The following KCTD1 variants were observed in gnomAD, a reference collection of about 807,000 sequenced individuals.
The protein encoded by KCTD1 is BTB/POZ domain-containing protein KCTD1.
KCTD1 carries 24 observed loss-of-function variants against 66.0 expected under a neutral mutation model. The observed-to-expected ratio is 0.36, with a 90% CI of 0.26 to 0.51. KCTD1 has a LOEUF of 0.51. Ranked by LOEUF, KCTD1 falls within the 20% of genes least tolerant of loss-of-function variation. The probability of loss-of-function intolerance (pLI) is 0.95; values close to 1 mark genes in which losing one functional copy is unlikely to be tolerated. For missense variants in KCTD1, 943 were observed against 1,205.2 expected (o/e 0.78, Z 3.22); for synonymous variants, 511 against 517.2 (o/e 0.99, Z 0.16).
rs990404656 is a variant in KCTD1 at position 26,610,209 on chromosome 18, T to C, written c.-16+18938A>G. ...TTCCAGTTGAGTTACTTTCTGTATA[T>C]AGTGTGAGGTATAGCTCAAAGTTTA... On this transcript the variant is annotated intron_variant, in intron 1 of 4. Coordinates refer to the KCTD1 transcript ENST00000317932. 6.4e-4 allele frequency among the ~76,000 whole-genome samples: 97 copies of C among 152,304 alleles called. 4 individuals carry two copies. The highest frequency in any genetic ancestry group is 4.8e-4 in the African/African-American group (20 of 41,562).
intron 1 of KCTD1, among the ~76,000 whole-genome samples, chr18:26,605,019 C>A (rs954329464): frequency 6.6e-6 from 1 of 152,256 alleles, no homozygotes; most frequent in South Asian, 2.1e-4. Context: ...CAGAGTATAG[C>A]CTTTATCCTC....
At chr18:26,632,567 T>C (rs1410150010), upstream of KCTD1, among the ~76,000 whole-genome samples, 2 of 152,118 alleles carry the variant, frequency 1.3e-5, no homozygotes, top group Non-Finnish European at 2.9e-5. Context: ...TATGAAAATC[T>C]AAGAGATACT....
intron 3 of KCTD1, among the ~76,000 whole-genome samples, chr18:26,471,013 G>A (rs1349060056): frequency 6.6e-6 from 1 of 152,142 alleles, no homozygotes; most frequent in African/African-American, 2.4e-5. Flanking sequence ...GGGATGTGGT[G>A]CTTTGCTCTG....
chr18:26,506,347 T>C (rs1983035879), intron 1 of KCTD1, among the ~76,000 whole-genome samples: 1 of 152,118 alleles, frequency 6.6e-6, no homozygotes, highest in Non-Finnish European at 1.5e-5. Flanking sequence ...GCCGGGCTAC[T>C]ATGGCAGCTG....
intron 1 of KCTD1, among the ~76,000 whole-genome samples, chr18:26,622,313 T>C (rs949849300): frequency 3.3e-5 from 5 of 152,228 alleles, no homozygotes; most frequent in Admixed American, 2.0e-4. Flanking sequence ...CTGGACTAAG[T>C]TTTCTTCAAG....
chr18:26,561,569 T>C (rs4239446), intron 1 of KCTD1, among the ~76,000 whole-genome samples: 149,927 of 152,262 alleles, frequency 0.98, 73,862 homozygotes, highest in East Asian at 1. Context: ...CACGCCCACC[T>C]TCTGTTCTAG....
At position 26,455,189 on chromosome 18, in the gene KCTD1, A is replaced by ATCTT. The variant is rs1449311592; in HGVS notation, c.*550_*553dup. ...CTACATTTAAAATTTCATGTCTAAC[A>ATCTT]TCTTTGCAATGTGCTCATGAGGGTT... On this transcript the variant is annotated 3_prime_UTR_variant, in exon 5 of 5. Transcript: ENST00000580059. The ATCTT allele has an allele frequency of 3.3e-5, 5 of 152,684 alleles. No homozygotes were observed. Among genetic ancestry groups the ATCTT allele is most frequent in the East Asian group, 3.8e-4 (2 of 5,212 alleles). The allele number at this position is 152,684 out of a possible 1,614,324, so 9.5% of individuals were successfully genotyped here. A position where few individuals can be genotyped will look rare whatever the true frequency, so the allele number is the denominator to read the frequency against.
At chr18:26,627,452 A>G (rs1987527925) in intron 1 of KCTD1, among the ~76,000 whole-genome samples, 1 of 152,206 alleles carries the variant, frequency 6.6e-6, no homozygotes, top group Non-Finnish European at 1.5e-5. Flanking sequence ...AATATCAAGC[A>G]TCAGCATTGT....
At chr18:26,634,682 C>G (rs1481636464) in intron 1 of KCTD1, among the ~76,000 whole-genome samples, 3 of 152,160 alleles carry the variant, frequency 2.0e-5, no homozygotes, top group Non-Finnish European at 4.4e-5. Context: ...TTGGATTAAA[C>G]TAGAACTTCA....
chr18:26,593,946 G>A (rs867680129), intron 1 of KCTD1, among the ~76,000 whole-genome samples: 8 of 152,008 alleles, frequency 5.3e-5, no homozygotes, highest in Non-Finnish European at 8.8e-5. Flanking sequence ...AGAAGAGAAG[G>A]GGGGGAGAAG....
chr18:26,584,227 A>C (rs73403311), intron 1 of KCTD1, among the ~76,000 whole-genome samples: 39,509 of 152,142 alleles, frequency 0.26, 5,315 homozygotes, highest in Middle Eastern at 0.3. Context: ...TATCCAATAG[A>C]GTAGCCACTG....
intron 1 of KCTD1, among the ~76,000 whole-genome samples, chr18:26,598,464 CTT>C (rs1266978948): frequency 2.2e-3 from 168 of 77,958 alleles, no homozygotes; most frequent in African/African-American, 5.6e-3. Context: ...TTTCAATTCT[CTT>C]TTTTTACACA....
intron 1 of KCTD1, among the ~76,000 whole-genome samples, chr18:26,541,221 A>T (rs1984958443): frequency 6.6e-6 from 1 of 152,208 alleles, no homozygotes; most frequent in Admixed American, 6.5e-5. Context: ...TGCCTGGAGA[A>T]AGAGGAGCTG....
At chr18:26,650,019 A>T (rs1987999969) in intron 1 of KCTD1, among the ~76,000 whole-genome samples, 1 of 152,180 alleles carries the variant, frequency 6.6e-6, no homozygotes, top group Non-Finnish European at 1.5e-5. Flanking sequence ...ATCATTTCAT[A>T]GCGTAAGTGT....
chr18:26,646,703 A>G (rs1568019858), intron 1 of KCTD1, among the ~76,000 whole-genome samples: 1 of 152,182 alleles, frequency 6.6e-6, no homozygotes, highest in Admixed American at 6.5e-5. Flanking sequence ...TTGACTCAGA[A>G]TTTTTTTAAG....
At chr18:26,652,112 G>C (rs1256665450) in intron 1 of KCTD1, among the ~76,000 whole-genome samples, 1 of 152,182 alleles carries the variant, frequency 6.6e-6, no homozygotes, top group South Asian at 2.1e-4. Flanking sequence ...GAGACAGCAG[G>C]GGCCAGACTT....
chr18:26,617,702 T>C (rs1987284925), intron 1 of KCTD1, among the ~76,000 whole-genome samples: 1 of 152,158 alleles, frequency 6.6e-6, no homozygotes, highest in African/African-American at 2.4e-5. Flanking sequence ...TCCCATATGT[T>C]GGTTATAATT....
upstream of KCTD1, among the ~76,000 whole-genome samples, chr18:26,551,730 T>C (rs1351015940): frequency 1.3e-5 from 2 of 152,214 alleles, no homozygotes; most frequent in Admixed American, 6.5e-5. Flanking sequence ...ATTCCAAGTT[T>C]AATAAATGAT....
chr18:26,647,341 C>CCCG lies in KCTD1; in HGVS notation c.9+10018_9+10019insCGG, dbSNP rs1555649515. On this transcript the variant is annotated intron_variant, in intron 1 of 4. Coordinates refer to the KCTD1 transcript ENST00000580191. The stretch of plus-strand genomic sequence containing the variant: ...GGCCAAGATAGTGAAACCCCCCCCC[C>CCCG]ATCTCTACTAAAAATACAAAAATTA... Among the ~76,000 whole-genome samples, 7 of 109,832 alleles carry CCCG rather than the reference C, an allele frequency of 6.4e-5. No individual in the cohort carries two copies. The South Asian group carries it at 2.0e-3, about 32-fold the overall frequency. 72.1% of individuals were successfully genotyped at this position (109,832 alleles called of 152,430 possible). A position where few individuals can be genotyped will look rare whatever the true frequency, so the allele number is the denominator to read the frequency against.
Sources: gnomAD v4.1 joint callset for allele counts (sites outside exome capture counted in the v4.1 genomes callset) on GRCh38, gnomAD v4.1.1 for gene constraint, MANE v1.5 for transcripts, NCBI Gene and HGNC (gene_info 2026-07-23, HGNC 2026-07-21) for gene names.